The following CMSS1 variants were observed in gnomAD, a reference collection of about 807,000 sequenced individuals.
CMSS1 encodes cms1 ribosomal small subunit homolog.
In CMSS1, 33 loss-of-function variants were observed where a neutral mutation model predicts 43.5. That is an observed-to-expected ratio of 0.76 (90% CI 0.57 to 1.01). The LOEUF (loss-of-function observed/expected upper bound fraction) is 1.01, where lower values mean the gene tolerates loss of function less well. CMSS1 is among the 50% of genes least tolerant of loss of function. The probability of loss-of-function intolerance (pLI) is 0.00; values close to 1 mark genes in which losing one functional copy is unlikely to be tolerated. For synonymous variants in CMSS1, 115 were observed against 117.2 expected (o/e 0.98, Z 0.12); for missense variants, 313 against 326.4 (o/e 0.96, Z 0.32).
chr3:100,139,996 T>C (rs2066792265), intron 1 of CMSS1, among the ~76,000 whole-genome samples: 1 of 152,184 alleles, frequency 6.6e-6, no homozygotes, highest in Non-Finnish European at 1.5e-5. Context: ...AAAAGTATGC[T>C]GATCCCACTG....
chr3:99,999,654 A>G lies in CMSS1; in HGVS notation c.65-147319A>G, dbSNP rs1279946328. ...TTTCAGTCAGCGCTTTGCTAAACAC[A>G]TCAAAGAAGTCTGTCACTTGATGGT... On this transcript the variant is annotated intron_variant, in intron 1 of 9. Coordinates refer to ENST00000421999, the MANE Select transcript of CMSS1 (RefSeq NM_032359.4). 2.0e-5 allele frequency among the ~76,000 whole-genome samples: 3 copies of G among 152,164 alleles called. 1 individual carries two copies. Among genetic ancestry groups the G allele is most frequent in the East Asian group, 3.8e-4 (2 of 5,198 alleles).
chr3:99,878,976 AGAGTT>A (rs1441671255), intron 1 of CMSS1, among the ~76,000 whole-genome samples: 1 of 152,234 alleles, frequency 6.6e-6, no homozygotes, highest in Non-Finnish European at 1.5e-5. Context: ...TGAAAATAGT[AGAGTT>A]ATGATCACTG....
chr3:99,984,296 A>G (rs774907265), intron 1 of CMSS1, among the ~76,000 whole-genome samples: 3 of 152,346 alleles, frequency 2.0e-5, no homozygotes, highest in Non-Finnish European at 4.4e-5. Context: ...ATGAAAGGCT[A>G]TATTTTGTCT....
intron 1 of CMSS1, among the ~76,000 whole-genome samples, chr3:100,056,860 C>T (rs542610797): frequency 3.3e-5 from 5 of 152,102 alleles, no homozygotes; most frequent in South Asian, 4.1e-4. Flanking sequence ...AAAAATTAGC[C>T]GGGTGTGATG....
At chr3:99,835,099 G>T (rs1942842761) in intron 1 of CMSS1, among the ~76,000 whole-genome samples, 1 of 152,008 alleles carries the variant, frequency 6.6e-6, no homozygotes, top group Non-Finnish European at 1.5e-5. Flanking sequence ...TACCTTTCTT[G>T]TTTTCCTGCT....
intron 1 of CMSS1, among the ~76,000 whole-genome samples, chr3:99,953,695 C>T (rs892026670): frequency 1.3e-5 from 2 of 152,200 alleles, no homozygotes; most frequent in Non-Finnish European, 1.5e-5. Flanking sequence ...CTTGTCATTT[C>T]TACTGGAATG....
intron 1 of CMSS1, among the ~76,000 whole-genome samples, chr3:99,960,917 A>G (rs1357234539): frequency 6.6e-6 from 1 of 152,198 alleles, no homozygotes; most frequent in Non-Finnish European, 1.5e-5. Flanking sequence ...AACAAAGTGA[A>G]ATGTAAAAAG....
intron 1 of CMSS1, among the ~76,000 whole-genome samples, chr3:99,956,057 G>A (rs1204930745): frequency 6.6e-6 from 1 of 152,148 alleles, no homozygotes. Context: ...TGACTGACAC[G>A]TTTTTAAGTT....
At chr3:100,111,722 T>C (rs746529828) in intron 1 of CMSS1, among the ~76,000 whole-genome samples, 2 of 152,236 alleles carry the variant, frequency 1.3e-5, no homozygotes, top group African/African-American at 2.4e-5. Flanking sequence ...ACTTCCTGTC[T>C]GACCCAATTC....
intron 4 of CMSS1, among the ~76,000 whole-genome samples, chr3:100,162,744 C>T (rs529718264): frequency 5.6e-4 from 85 of 152,278 alleles, no homozygotes; most frequent in Admixed American, 2.4e-3. Flanking sequence ...GAGGCTGAGA[C>T]GGGTGGATCA....
At chr3:100,125,863 C>G (rs997816443) in intron 1 of CMSS1, among the ~76,000 whole-genome samples, 1 of 152,164 alleles carries the variant, frequency 6.6e-6, no homozygotes, top group Admixed American at 6.5e-5. Context: ...TAAATAAACT[C>G]TAGCCCTAGG....
intron 1 of CMSS1, among the ~76,000 whole-genome samples, chr3:100,003,555 G>A (rs1012763811): frequency 7.2e-5 from 11 of 152,190 alleles, no homozygotes; most frequent in African/African-American, 2.4e-4. Flanking sequence ...CTTAGCTAAT[G>A]TGTGTCAGAA....
chr3:100,108,592 A>G (rs890264711), intron 1 of CMSS1, among the ~76,000 whole-genome samples: 1 of 152,182 alleles, frequency 6.6e-6, no homozygotes, highest in African/African-American at 2.4e-5. Flanking sequence ...CATGTATTCA[A>G]TTCAAACAGT....
At position 99,914,633 on chromosome 3, in the gene CMSS1, A is replaced by G. The variant is rs1206357911; in HGVS notation, c.64+96590A>G. 2.0e-5 allele frequency among the ~76,000 whole-genome samples: 3 copies of G among 152,360 alleles called. No homozygotes were observed. The East Asian group carries it at 5.8e-4, about 29-fold the overall frequency. ...CTTCATTGTTAGTAATGGTATAAAT[A>G]TCTTTTACAGAAGGCAGTTTAGCTA... On this transcript the variant is annotated intron_variant, in intron 1 of 9. Coordinates refer to ENST00000421999, the MANE Select transcript of CMSS1 (RefSeq NM_032359.4).
At chr3:99,875,655 T>C (rs1002662905) in intron 1 of CMSS1, among the ~76,000 whole-genome samples, 1 of 152,080 alleles carries the variant, frequency 6.6e-6, no homozygotes, top group African/African-American at 2.4e-5. Flanking sequence ...GGGGAAAACC[T>C]GGCACTAACA....
In CMSS1 at chr3:99,849,026, C is replaced by G. The variant is rs28362487; in HGVS notation, c.64+30983C>G. On this transcript the variant is annotated intron_variant, in intron 1 of 9. Coordinates refer to ENST00000421999, the MANE Select transcript of CMSS1 (RefSeq NM_032359.4). ...AGATCTCCAGGTTGCACAAAGTTGG[C>G]ATTGGGTTTAGTTTGCATTTTTCCA... is the stretch of plus-strand genomic sequence containing the variant. The G allele has an allele frequency of 3.4e-4, 551 of 1,614,056 alleles. 9 individuals are homozygous for G. In the East Asian group the frequency reaches 0.012, roughly 36 times the overall value.
chr3:99,922,056 C>T (rs1707142073), intron 1 of CMSS1, among the ~76,000 whole-genome samples: 1 of 152,192 alleles, frequency 6.6e-6, no homozygotes, highest in Admixed American at 6.5e-5. Context: ...TTCACATTCC[C>T]ACCATAAATC....
chr3:99,900,024 T>C (rs928768959), intron 1 of CMSS1, among the ~76,000 whole-genome samples: 2 of 152,228 alleles, frequency 1.3e-5, no homozygotes, highest in African/African-American at 2.4e-5. Context: ...GTCAGGACTT[T>C]AGGATGAAAT....
At position 100,135,438 on chromosome 3, in the gene CMSS1, A is replaced by G. The variant is rs369148100; in HGVS notation, c.65-11535A>G. Among the ~76,000 whole-genome samples the G allele has an allele frequency of 3.0e-3, 367 of 120,836 alleles. 4 individuals are homozygous for G. Among genetic ancestry groups the G allele is most frequent in the African/African-American group, 9.3e-3 (285 of 30,810 alleles). The allele number at this position is 120,836 out of a possible 152,430, so 79.3% of individuals were successfully genotyped here. On this transcript the variant is annotated intron_variant, in intron 1 of 9. Transcript: ENST00000421999. The stretch of plus-strand genomic sequence containing the variant: ...CTGAGGAGCCTTTGTGTGTGTGTGC[A>G]TGTGTGTGTGTGTGTGTGTGTGTGT...
Sources: gnomAD v4.1 joint callset for allele counts (sites outside exome capture counted in the v4.1 genomes callset) on GRCh38, gnomAD v4.1.1 for gene constraint, MANE v1.5 for transcripts, NCBI Gene and HGNC (gene_info 2026-07-23, HGNC 2026-07-21) for gene names.